The following DCC variants were observed in gnomAD, a reference collection of about 807,000 sequenced individuals.
DCC encodes netrin receptor DCC.
A neutral mutation model predicts 172.5 loss-of-function variants in DCC; 58 were observed. The observed-to-expected ratio is 0.34, with a 90% CI of 0.27 to 0.42. DCC has a LOEUF of 0.42. Among genes scored for constraint, DCC ranks in the 10% least tolerant of loss-of-function variants. The pLI, the probability that DCC is intolerant of heterozygous loss-of-function variation, is 1.00. For synonymous variants in DCC, 709 were observed against 644.5 expected, an observed-to-expected ratio of 1.10 and a Z score of -1.52; for missense variants, 1,740 against 1,791.0, an observed-to-expected ratio of 0.97 and a Z score of 0.51.
intron 27 of DCC, among the ~76,000 whole-genome samples, chr18:53,511,846 G>T (rs950802637): frequency 1.3e-5 from 2 of 151,850 alleles, no homozygotes; most frequent in Admixed American, 6.6e-5. Flanking sequence ...AGCACAGCAC[G>T]GCAGTCTGAG....
chr18:52,460,047 G>A lies in DCC; in HGVS notation c.91+119169G>A, dbSNP rs576221636. On this transcript the variant is annotated intron_variant, in intron 1 of 28. Transcript: ENST00000442544. ...CGTGTGCATATTTCTTTATGGTAGAGCATAGATCATTCTTATCAACACACA... is the reference window on the plus strand; with the variant it reads ...CGTGTGCATATTTCTTTATGGTAGAACATAGATCATTCTTATCAACACACA... Among the ~76,000 whole-genome samples the A allele has an allele frequency of 2.0e-5, 3 of 152,088 alleles. No individual in the cohort carries two copies. In the East Asian group the frequency reaches 5.8e-4, roughly 29 times the overall value.
intron 5 of DCC, among the ~76,000 whole-genome samples, chr18:53,008,999 C>G (rs1350570013): frequency 6.6e-6 from 1 of 151,734 alleles, no homozygotes; most frequent in Non-Finnish European, 1.5e-5. Flanking sequence ...AAAAGTAGAC[C>G]TGAACATTTA....
intron 3 of DCC, among the ~76,000 whole-genome samples, chr18:52,919,978 C>T (rs1239600710): frequency 6.7e-6 from 1 of 148,292 alleles, no homozygotes; most frequent in East Asian, 2.0e-4. Context: ...AAAAAAATCG[C>T]CTTTTCAACA....
intron 1 of DCC, among the ~76,000 whole-genome samples, chr18:52,651,355 A>G (rs2035127379): frequency 6.6e-6 from 1 of 151,918 alleles, no homozygotes; most frequent in Non-Finnish European, 1.5e-5. Flanking sequence ...TTTCTAAAAA[A>G]CAATTTTTGT....
intron 1 of DCC, among the ~76,000 whole-genome samples, chr18:52,341,172 G>A (rs1234283437): frequency 6.6e-6 from 1 of 151,662 alleles, no homozygotes; most frequent in Non-Finnish European, 1.5e-5. Context: ...GCGGGCTGGG[G>A]CAGGTGCTGG....
chr18:52,662,418 T>C (rs934334001), intron 1 of DCC, among the ~76,000 whole-genome samples: 8 of 148,578 alleles, frequency 5.4e-5, no homozygotes, highest in African/African-American at 2.0e-4. Flanking sequence ...GCACAATAAA[T>C]GCGAAAAGAT....
intron 1 of DCC, among the ~76,000 whole-genome samples, chr18:52,632,993 T>C (rs2034705605): frequency 6.6e-6 from 1 of 152,220 alleles, no homozygotes. Context: ...ATTTTTCAAA[T>C]AATTAGAAAT....
chr18:52,519,905 G>A (rs563436914), intron 1 of DCC, among the ~76,000 whole-genome samples: 41 of 152,272 alleles, frequency 2.7e-4, no homozygotes, highest in Middle Eastern at 3.4e-3. Context: ...AAGATGGACT[G>A]GAGGACAGGG....
intron 1 of DCC, among the ~76,000 whole-genome samples, chr18:52,681,808 C>T (rs958136590): frequency 2.0e-5 from 3 of 152,056 alleles, no homozygotes; most frequent in South Asian, 2.1e-4. Context: ...CTGTGCCATT[C>T]GTAACAGAAA....
At chr18:53,462,674 T>C (rs990658374) in intron 24 of DCC, among the ~76,000 whole-genome samples, 1 of 152,116 alleles carries the variant, frequency 6.6e-6, no homozygotes, top group African/African-American at 2.4e-5. Context: ...AAAATTTTCT[T>C]CCATGAAACT....
intron 20 of DCC, among the ~76,000 whole-genome samples, chr18:53,413,201 C>G (rs1262463907): frequency 6.6e-6 from 1 of 152,150 alleles, no homozygotes; most frequent in Non-Finnish European, 1.5e-5. Flanking sequence ...ACTTCCTACA[C>G]ACAAAAGAGT....
At position 52,842,301 on chromosome 18, in the gene DCC, A is replaced by G. The variant is rs117443693; in HGVS notation, c.413-63743A>G. Among the ~76,000 whole-genome samples, 27 of 152,264 alleles carry G rather than the reference A, an allele frequency of 1.8e-4. No individual in the cohort carries two copies. The East Asian group carries it at 5.0e-3, about 28-fold the overall frequency. Reference sequence around the variant, plus strand: ...TTTACTATAAGGTATTGTTCACTTGATTATGGAGGCTGAGAAGTCCCATGA... The same window carrying G: ...TTTACTATAAGGTATTGTTCACTTGGTTATGGAGGCTGAGAAGTCCCATGA... On this transcript the variant is annotated intron_variant, in intron 2 of 28. Coordinates refer to ENST00000442544, the MANE Select transcript of DCC (RefSeq NM_005215.4).
intron 5 of DCC, among the ~76,000 whole-genome samples, chr18:52,969,718 T>A (rs1467462182): frequency 6.6e-6 from 1 of 152,070 alleles, no homozygotes; most frequent in African/African-American, 2.4e-5. Flanking sequence ...TTGCTTATGT[T>A]TTCATAAAGT....
intron 5 of DCC, among the ~76,000 whole-genome samples, chr18:52,969,376 A>C (rs1010607821): frequency 2.0e-5 from 3 of 152,114 alleles, no homozygotes; most frequent in African/African-American, 7.2e-5. Context: ...CACTACCACC[A>C]ACCAAATTAC....
chr18:53,381,337 T>C (rs1907716012), intron 15 of DCC, among the ~76,000 whole-genome samples: 1 of 152,038 alleles, frequency 6.6e-6, no homozygotes, highest in South Asian at 2.1e-4. Flanking sequence ...AAATTAAGCA[T>C]CTGGGTGGTG....
chr18:53,304,876 C>G (rs2057180953), intron 12 of DCC, among the ~76,000 whole-genome samples: 1 of 152,170 alleles, frequency 6.6e-6, no homozygotes, highest in Non-Finnish European at 1.5e-5. Flanking sequence ...TGTGTCCCCA[C>G]CTAAATCTCA....
chr18:53,422,611 CT>C (rs1328055993), intron 21 of DCC, among the ~76,000 whole-genome samples: 1 of 152,110 alleles, frequency 6.6e-6, no homozygotes, highest in Non-Finnish European at 1.5e-5. Context: ...AACACTGCAC[CT>C]GCCATTTTAC....
rs10163850 is a variant in DCC at position 53,430,147 on chromosome 18, G to A, written c.3164-4997G>A. Among the ~76,000 whole-genome samples, 495 of 152,130 alleles carry A rather than the reference G, an allele frequency of 3.3e-3. 1 individual carries two copies. Among genetic ancestry groups the A allele is most frequent in the African/African-American group, 0.011 (461 of 41,522 alleles). On this transcript the variant is annotated intron_variant, in intron 21 of 28. Transcript: ENST00000442544. ...CTGGTATACAAGACAGAAAATCAAT[G>A]CAATTTCTATCATCATTAGAATTAT...
At chr18:53,274,123 CTA>C (rs1199738893) in intron 12 of DCC, among the ~76,000 whole-genome samples, 2 of 152,266 alleles carry the variant, frequency 1.3e-5, no homozygotes, top group Admixed American at 1.3e-4. Context: ...CTCAGTGACA[CTA>C]TCACAAATTT....
Sources: gnomAD v4.1 joint callset for allele counts (sites outside exome capture counted in the v4.1 genomes callset) on GRCh38, gnomAD v4.1.1 for gene constraint, MANE v1.5 for transcripts, NCBI Gene and HGNC (gene_info 2026-07-23, HGNC 2026-07-21) for gene names.